Variants in PAN3 observed in about 807,000 individuals in gnomAD.
The protein encoded by PAN3 is poly(A) specific ribonuclease subunit PAN3.
In PAN3, 19 loss-of-function variants were observed where a neutral mutation model predicts 96.2. The ratio of observed to expected loss-of-function variants is 0.20; its 90% CI spans 0.14 to 0.29. The LOEUF (loss-of-function observed/expected upper bound fraction) is 0.29. Among genes scored for constraint, PAN3 ranks in the 10% least tolerant of loss-of-function variants. The probability of loss-of-function intolerance (pLI) is 1.00; values close to 1 mark genes in which losing one functional copy is unlikely to be tolerated. For missense variants in PAN3, 882 were observed against 1,108.1 expected (o/e 0.80, Z 2.90); for synonymous variants, 433 against 406.6 (o/e 1.06, Z -0.78).
At chr13:28,268,952 G>C (rs867070169) in intron 12 of PAN3, among the ~76,000 whole-genome samples, 1 of 152,066 alleles carries the variant, frequency 6.6e-6, no homozygotes. Context: ...TTTTGTGGAA[G>C]GGGATGTGGT....
At chr13:28,178,004 TA>T in intron 4 of PAN3, 69 bp downstream of exon 4, 2 of 1,402,756 alleles carry the variant, frequency 1.4e-6, no homozygotes, top group South Asian at 2.4e-5. Flanking sequence ...GTTACCTATG[TA>T]GTGTCAATGT....
chr13:28,223,908 T>C (rs1593508122), intron 6 of PAN3, among the ~76,000 whole-genome samples: 1 of 127,122 alleles, frequency 7.9e-6, no homozygotes, highest in Non-Finnish European at 1.6e-5. Flanking sequence ...TGAGACAGAG[T>C]CTCTCTCTGT....
chr13:28,147,523 A>AT (rs1438954085), intron 1 of PAN3, among the ~76,000 whole-genome samples: 1 of 152,178 alleles, frequency 6.6e-6, no homozygotes, highest in Admixed American at 6.5e-5. Context: ...TAGGCCCAGA[A>AT]TGCTTACATT....
intron 15 of PAN3, among the ~76,000 whole-genome samples, chr13:28,278,531 T>A (rs1420322769): frequency 1.3e-5 from 2 of 152,160 alleles, no homozygotes; most frequent in African/African-American, 4.8e-5. Context: ...GGGGATTCAT[T>A]ATATTACTAT....
At position 28,291,596 on chromosome 13, in the gene PAN3, G is replaced by A. The variant is rs1270889089; in HGVS notation, c.2524-786G>A. Among the ~76,000 whole-genome samples, 19 of 152,298 alleles carry A rather than the reference G, an allele frequency of 1.2e-4. 1 individual carries two copies. The South Asian group carries it at 1.7e-3, about 13-fold the overall frequency. ...TGTAATCCCAGTACTTTGGGAGGCC[G>A]AGGCGGGTGGATCGCCTGAGGTCAG... On this transcript the variant is annotated intron_variant, in intron 18 of 18. Coordinates refer to ENST00000380958, the MANE Select transcript of PAN3 (RefSeq NM_175854.8).
At chr13:28,290,571 C>G (rs1869630785) in intron 18 of PAN3, among the ~76,000 whole-genome samples, 1 of 152,110 alleles carries the variant, frequency 6.6e-6, no homozygotes. Context: ...ATCCCAGCTA[C>G]TTCGGAGGCT....
chr13:28,262,626 A>C (rs1199169567), intron 9 of PAN3, among the ~76,000 whole-genome samples: 1 of 152,194 alleles, frequency 6.6e-6, no homozygotes, highest in Non-Finnish European at 1.5e-5. Context: ...AAAGAAAAAA[A>C]AATGGAAGGC....
At chr13:28,142,077 T>A (rs145298033) in intron 1 of PAN3, among the ~76,000 whole-genome samples, 4 of 152,348 alleles carry the variant, frequency 2.6e-5, no homozygotes, top group Admixed American at 6.5e-5. Flanking sequence ...AGCCTAAGGC[T>A]CCTCTTTTCT....
Position 28,291,205 on chromosome 13 carries a change from ATGTT to A in PAN3, c.2524-1174_2524-1171del, listed in dbSNP as rs199522784. On this transcript the variant is annotated intron_variant, in intron 18 of 18. Transcript: ENST00000380958. ...AGAAATTGTCTGGTAAATGATTTGAATGTTTGAGCCTTCAGTGAGTTGTAAACAT... is the reference window on the plus strand; with the variant it reads ...AGAAATTGTCTGGTAAATGATTTGAATGAGCCTTCAGTGAGTTGTAAACAT... Among the ~76,000 whole-genome samples the A allele has an allele frequency of 2.8e-3, 419 of 152,316 alleles. 8 individuals carry two copies. Among genetic ancestry groups the A allele is most frequent in the Admixed American group, 0.024 (373 of 15,302 alleles).
In PAN3 at chr13:28,292,541, G is replaced by C. The variant is rs1024366236; in HGVS notation, c.*19G>C. ...GTTGTAGTATTTGCTAAAAAAGCAC[G>C]CAGGACATGGCTAAAGACCTTAACC... On this transcript the variant is annotated 3_prime_UTR_variant, in exon 19 of 19. Coordinates refer to ENST00000380958, the MANE Select transcript of PAN3 (RefSeq NM_175854.8). The C allele has an allele frequency of 6.3e-7, 1 of 1,596,160 alleles. No homozygotes were observed. Among genetic ancestry groups the C allele is most frequent in the African/African-American group, 1.4e-5 (1 of 73,644 alleles).
intron 6 of PAN3, among the ~76,000 whole-genome samples, chr13:28,221,083 A>T (rs895659577): frequency 6.6e-6 from 1 of 152,140 alleles, no homozygotes; most frequent in Non-Finnish European, 1.5e-5. Flanking sequence ...CTTCATTTTT[A>T]TCTTAAGAAT....
intron 9 of PAN3, among the ~76,000 whole-genome samples, chr13:28,264,610 A>T (rs756286951): frequency 2.0e-5 from 3 of 152,196 alleles, no homozygotes; most frequent in Non-Finnish European, 4.4e-5. Flanking sequence ...TCAATTAAAC[A>T]CCATTGATTT....
At chr13:28,217,627 T>C (rs1361510796) in intron 5 of PAN3, among the ~76,000 whole-genome samples, 2 of 151,590 alleles carry the variant, frequency 1.3e-5, no homozygotes, top group Non-Finnish European at 2.9e-5. Flanking sequence ...TAAATTTGAG[T>C]GTATGAGAAT....
At chr13:28,191,752 G>A (rs1877282557) in intron 4 of PAN3, among the ~76,000 whole-genome samples, 1 of 152,084 alleles carries the variant, frequency 6.6e-6, no homozygotes, top group African/African-American at 2.4e-5. Context: ...CCTTAGCTTA[G>A]GAAACAATAT....
chr13:28,149,058 T>TAA (rs141850934), intron 1 of PAN3, among the ~76,000 whole-genome samples: 4 of 150,746 alleles, frequency 2.7e-5, no homozygotes, highest in Non-Finnish European at 5.9e-5. Flanking sequence ...GTTGATACAT[T>TAA]AAAAAAAAAC....
intron 1 of PAN3, among the ~76,000 whole-genome samples, chr13:28,153,734 A>C (rs931519243): frequency 6.6e-6 from 1 of 152,174 alleles, no homozygotes; most frequent in African/African-American, 2.4e-5. Context: ...ACGAACCCAA[A>C]CCCAACCCTC....
At chr13:28,196,193 T>G (rs1272813561) in intron 4 of PAN3, among the ~76,000 whole-genome samples, 1 of 152,052 alleles carries the variant, frequency 6.6e-6, no homozygotes, top group Non-Finnish European at 1.5e-5. Context: ...ATTTTAACTC[T>G]TTGTTTCAGC....
At chr13:28,159,156 G>A (rs1487727898) in intron 1 of PAN3, among the ~76,000 whole-genome samples, 1 of 152,142 alleles carries the variant, frequency 6.6e-6, no homozygotes, top group Admixed American at 6.6e-5. Context: ...GCATGAATAT[G>A]TTCATTGCAG....
intron 8 of PAN3, among the ~76,000 whole-genome samples, 166 bp downstream of exon 8, chr13:28,260,717 CT>C (rs139094014): frequency 0.1 from 15,813 of 151,856 alleles, 1,008 homozygotes; most frequent in Middle Eastern, 0.17. Flanking sequence ...GGAAACCTGT[CT>C]TTTAAAAAAA....
Sources: gnomAD v4.1 joint callset for allele counts (sites outside exome capture counted in the v4.1 genomes callset) on GRCh38, gnomAD v4.1.1 for gene constraint, MANE v1.5 for transcripts, NCBI Gene and HGNC (gene_info 2026-07-23, HGNC 2026-07-21) for gene names.